The following ALDH2 variants were observed in gnomAD, a reference collection of about 807,000 sequenced individuals.
The protein encoded by ALDH2 is aldehyde dehydrogenase, mitochondrial.
A neutral mutation model predicts 59.6 loss-of-function variants in ALDH2; 44 were observed. That is an observed-to-expected ratio of 0.74 (90% CI 0.58 to 0.95). The LOEUF is 0.95. Ranked by LOEUF, ALDH2 falls within the 40% of genes least tolerant of loss-of-function variation. ALDH2 has a pLI of 0.00. For synonymous variants in ALDH2, 291 were observed against 284.0 expected, an observed-to-expected ratio of 1.02 and a Z score of -0.25; for missense variants, 570 against 696.3, an observed-to-expected ratio of 0.82 and a Z score of 2.04.
At chr12:111,796,928 A>G (rs961789396) in intron 9 of ALDH2, among the ~76,000 whole-genome samples, 1 of 324 alleles carries the variant, frequency 3.1e-3, no homozygotes, top group Admixed American at 0.028. Context: ...CCTATAAAGG[A>G]GTATATAAGT....
At chr12:111,792,901 G>A in intron 9 of ALDH2, 119 bp downstream of exon 9, 3 of 1,160,078 alleles carry the variant, frequency 2.6e-6, no homozygotes, top group Non-Finnish European at 3.6e-6. Context: ...CACAGCAGCT[G>A]TGTGCCTTTG....
At position 111,809,673 on chromosome 12, in the gene ALDH2, AAG is replaced by A; in HGVS notation, c.*102_*103del. The A allele has an allele frequency of 7.3e-7, 1 of 1,372,344 alleles. No individual in the cohort carries two copies. Among genetic ancestry groups the A allele is most frequent in the Non-Finnish European group, 1.0e-6 (1 of 979,188 alleles). The allele number at this position is 1,372,344 out of a possible 1,614,324, so 85.0% of individuals were successfully genotyped here. On this transcript the variant is annotated 3_prime_UTR_variant, in exon 13 of 13. Transcript: ENST00000261733. ...GATCCTTGCGTGCTGAATATCTGAA[AAG>A]AGAAATTTTTCCTACAAAATCTCTT...
chr12:111,790,348 C>CA, intron 5 of ALDH2, 86 bp from the exon 6 acceptor site: 1 of 1,566,476 alleles, frequency 6.4e-7, no homozygotes, highest in Non-Finnish European at 8.7e-7. Context: ...GGTGCTGCTT[C>CA]TGCCCTCTGG....
intron 9 of ALDH2, among the ~76,000 whole-genome samples, chr12:111,796,042 C>T (rs1346698867): frequency 1.3e-5 from 2 of 151,824 alleles, no homozygotes; most frequent in East Asian, 3.9e-4. Context: ...AGGAGAATCT[C>T]TTGAGCCCAG....
chr12:111,778,720 G>A (rs550256437), intron 1 of ALDH2, among the ~76,000 whole-genome samples: 3 of 151,906 alleles, frequency 2.0e-5, no homozygotes, highest in African/African-American at 7.2e-5. Context: ...TATAGTCCCA[G>A]CTACTTGGGA....
intron 4 of ALDH2, 32 bp from the exon 5 acceptor site, chr12:111,789,791 T>C: frequency 4.4e-6 from 7 of 1,583,430 alleles, no homozygotes; most frequent in Non-Finnish European, 6.1e-6. Flanking sequence ...TGACAATCAT[T>C]GATTCGAGCT....
intron 7 of ALDH2, 60 bp from the exon 8 acceptor site, chr12:111,792,001 G>T: frequency 9.6e-7 from 1 of 1,040,168 alleles, no homozygotes; most frequent in South Asian, 1.3e-5. Context: ...TGTGTCTATA[G>T]AGTGCTGGAC....
At chr12:111,806,224 G>A (rs973682546) in intron 12 of ALDH2, among the ~76,000 whole-genome samples, 2 of 151,524 alleles carry the variant, frequency 1.3e-5, no homozygotes, top group Non-Finnish European at 2.9e-5. Context: ...GGCTGAGGCG[G>A]AAGAATGGCG....
intron 4 of ALDH2, among the ~76,000 whole-genome samples, chr12:111,788,623 G>A (rs1255928945): frequency 6.6e-6 from 1 of 152,184 alleles, no homozygotes; most frequent in Admixed American, 6.5e-5. Flanking sequence ...ATAGATCTGG[G>A]GGAGGGAAGC....
At chr12:111,807,468 G>A (rs934784225) in intron 12 of ALDH2, among the ~76,000 whole-genome samples, 6 of 152,142 alleles carry the variant, frequency 3.9e-5, no homozygotes, top group African/African-American at 1.4e-4. Flanking sequence ...CCTGTGCTGG[G>A]CTTTGAGTTA....
At chr12:111,777,228 AAG>A (rs1306800056) in intron 1 of ALDH2, among the ~76,000 whole-genome samples, 26 of 152,258 alleles carry the variant, frequency 1.7e-4, no homozygotes, top group African/African-American at 6.0e-4. Flanking sequence ...CTCTGCTGTG[AAG>A]TGGAGAGGAT....
chr12:111,791,157 C>T (rs2068355621), intron 6 of ALDH2, 149 bp from the exon 7 acceptor site: 2 of 630,002 alleles, frequency 3.2e-6, no homozygotes, highest in Admixed American at 2.7e-5. Context: ...ATTTAGAATT[C>T]CCATGTAGTG....
intron 3 of ALDH2, 62 bp from the exon 4 acceptor site, chr12:111,785,205 C>CA: frequency 7.2e-7 from 1 of 1,388,308 alleles, no homozygotes; most frequent in Non-Finnish European, 1.0e-6. Context: ...CGCCCTCTGT[C>CA]AGCCCTTTGT....
intron 9 of ALDH2, among the ~76,000 whole-genome samples, chr12:111,796,724 A>G (rs1373900048): frequency 6.6e-6 from 1 of 151,984 alleles, no homozygotes; most frequent in Non-Finnish European, 1.5e-5. Context: ...TGGGCAACAT[A>G]GCAAAACCCC....
Position 111,812,837 on chromosome 12 carries a change from C to T in ALDH2, c.*3262C>T, listed in dbSNP as rs1403361199. 6.6e-6 allele frequency: 1 copy of T among 152,112 alleles called. No individual in the cohort carries two copies. The highest frequency in any genetic ancestry group is 2.4e-5 in the African/African-American group (1 of 41,370). The allele number at this position is 152,112 out of a possible 1,614,324, so 9.4% of individuals were successfully genotyped here. On this transcript the variant is annotated 3_prime_UTR_variant, in exon 13 of 13. Transcript: ENST00000261733. Reference sequence around the variant, plus strand: ...AGGCTGCAGTGAGCTGTGATTGCACCACTTCACTCCAGCCCAGAGTGAGAC... The same window carrying T: ...AGGCTGCAGTGAGCTGTGATTGCACTACTTCACTCCAGCCCAGAGTGAGAC...
chr12:111,802,447 G>T (rs1426786503), intron 11 of ALDH2, among the ~76,000 whole-genome samples: 1 of 151,696 alleles, frequency 6.6e-6, no homozygotes, highest in African/African-American at 2.4e-5. Context: ...CGGGCGCAGT[G>T]GTGGGCACCT....
At chr12:111,771,389 T>A (rs2068198805) in intron 1 of ALDH2, among the ~76,000 whole-genome samples, 1 of 152,146 alleles carries the variant, frequency 6.6e-6, no homozygotes, top group South Asian at 2.1e-4. Flanking sequence ...ACTGCAAGTA[T>A]ACATAGGCAC....
At chr12:111,777,241 G>T (rs767275421) in intron 1 of ALDH2, among the ~76,000 whole-genome samples, 22 of 152,276 alleles carry the variant, frequency 1.4e-4, no homozygotes, top group Non-Finnish European at 2.9e-4. Context: ...TGGAGAGGAT[G>T]AAGTTCACCT....
chr12:111,778,083 C>A (rs571813420), intron 1 of ALDH2, among the ~76,000 whole-genome samples: 54 of 152,302 alleles, frequency 3.5e-4, no homozygotes, highest in Non-Finnish European at 6.9e-4. Context: ...TGTTTCCACC[C>A]TGCCATCGTC....
Sources: gnomAD v4.1 joint callset for allele counts (sites outside exome capture counted in the v4.1 genomes callset) on GRCh38, gnomAD v4.1.1 for gene constraint, MANE v1.5 for transcripts, NCBI Gene and HGNC (gene_info 2026-07-23, HGNC 2026-07-21) for gene names.